Variants in COL26A1 observed in about 807,000 individuals in gnomAD.
COL26A1 encodes collagen alpha-1(XXVI) chain.
COL26A1 carries 41 observed loss-of-function variants against 59.3 expected under a neutral mutation model. The observed-to-expected ratio is 0.69, with a 90% CI of 0.54 to 0.90. The LOEUF is 0.90. COL26A1 is among the 40% of genes least tolerant of loss of function. COL26A1 has a pLI of 0.00. For missense variants in COL26A1, 612 were observed against 602.3 expected, an observed-to-expected ratio of 1.02 and a Z score of -0.17; for synonymous variants, 266 against 256.0, an observed-to-expected ratio of 1.04 and a Z score of -0.37.
intron 12 of COL26A1, 70 bp from the exon 13 acceptor site, chr7:101,557,300 T>A: frequency 4.0e-6 from 6 of 1,499,512 alleles, no homozygotes; most frequent in Non-Finnish European, 5.4e-6. Context: ...TGGCCACATA[T>A]CATGATCAAA....
At chr7:101,539,747 G>T (rs117894148) in intron 4 of COL26A1, 146 bp from the exon 5 acceptor site, 1 of 777,950 alleles carries the variant, frequency 1.3e-6, no homozygotes, top group Non-Finnish European at 1.9e-6. Flanking sequence ...CACGAGTGAG[G>T]TTCTCCCACT....
intron 3 of COL26A1, among the ~76,000 whole-genome samples, chr7:101,503,937 A>T (rs1794754707): frequency 6.6e-6 from 1 of 152,034 alleles, no homozygotes; most frequent in Non-Finnish European, 1.5e-5. Flanking sequence ...ATTTACAGTA[A>T]CTTCCAGGAA....
rs1792479526 is a variant in COL26A1, at chr7:101,420,193, C to T, written c.281+94C>T. ...TGGCTCTGGGAGAGGCTGGGCTGTGCTCACAGACAAAGGCTGAGCATGCAT... is the reference window on the plus strand; with the variant it reads ...TGGCTCTGGGAGAGGCTGGGCTGTGTTCACAGACAAAGGCTGAGCATGCAT... On this transcript the variant is annotated intron_variant, in intron 2 of 12. Transcript: ENST00000313669. 2.4e-5 allele frequency: 36 copies of T among 1,488,988 alleles called. 1 individual carries two copies. The South Asian group carries it at 4.1e-4, about 17-fold the overall frequency. The allele number at this position is 1,488,988 out of a possible 1,614,324, so 92.2% of individuals were successfully genotyped here.
intron 1 of COL26A1, 117 bp from the exon 2 acceptor site, chr7:101,419,860 G>A: frequency 9.5e-7 from 1 of 1,054,826 alleles, no homozygotes; most frequent in South Asian, 1.5e-5. Flanking sequence ...CCATCCAAGA[G>A]AGCGAGCCTC....
At chr7:101,555,019 T>G (rs1795936520) in intron 11 of COL26A1, among the ~76,000 whole-genome samples, 1 of 152,204 alleles carries the variant, frequency 6.6e-6, no homozygotes, top group South Asian at 2.1e-4. Flanking sequence ...AAGACAGATC[T>G]GTCATGTTAC....
At chr7:101,429,187 G>T (rs1286120680) in intron 2 of COL26A1, among the ~76,000 whole-genome samples, 2 of 151,954 alleles carry the variant, frequency 1.3e-5, no homozygotes, top group African/African-American at 4.8e-5. Flanking sequence ...GCCTCCCAAA[G>T]TGCTGGGATT....
intron 2 of COL26A1, among the ~76,000 whole-genome samples, chr7:101,432,089 T>A (rs900518878): frequency 1.3e-5 from 2 of 151,574 alleles, no homozygotes; most frequent in Admixed American, 6.6e-5. Flanking sequence ...GCTTCCCGAG[T>A]AGCGGGGATT....
intron 3 of COL26A1, among the ~76,000 whole-genome samples, chr7:101,472,711 A>G (rs1002153061): frequency 6.6e-6 from 1 of 152,116 alleles, no homozygotes; most frequent in Non-Finnish European, 1.5e-5. Flanking sequence ...CCACCATCAA[A>G]TCGCATTTAC....
rs3073378 is a variant in COL26A1 at position 101,534,654 on chromosome 7, TACACAC to T, written c.447+1529_447+1534del. Among the ~76,000 whole-genome samples the T allele has an allele frequency of 3.1e-3, 462 of 147,550 alleles. 2 individuals are homozygous for T. The highest frequency in any genetic ancestry group is 8.3e-3 in the African/African-American group (321 of 38,704). On this transcript the variant is annotated intron_variant, in intron 4 of 12. Coordinates refer to ENST00000313669, the MANE Select transcript of COL26A1 (RefSeq NM_001278563.3). ...GCATGTCAATGGGCACACATACATA[TACACAC>T]ACACACACACACACACATGACACAA...
intron 3 of COL26A1, among the ~76,000 whole-genome samples, chr7:101,464,076 C>T (rs887095021): frequency 1.3e-5 from 2 of 151,628 alleles, no homozygotes; most frequent in African/African-American, 4.8e-5. Flanking sequence ...AGCAATCCTC[C>T]TACCGTAGTC....
At chr7:101,550,150 AT>A (rs1795829907) in intron 9 of COL26A1, among the ~76,000 whole-genome samples, 1 of 152,082 alleles carries the variant, frequency 6.6e-6, no homozygotes, top group Non-Finnish European at 1.5e-5. Flanking sequence ...CCATGATCTT[AT>A]TTACATCTTT....
At chr7:101,458,651 C>CA (rs34462051) in intron 3 of COL26A1, among the ~76,000 whole-genome samples, 24,906 of 147,952 alleles carry the variant, frequency 0.17, 2,317 homozygotes, top group African/African-American at 0.23. Flanking sequence ...ACTCTGTCTC[C>CA]AAAAAAAAAA....
intron 2 of COL26A1, among the ~76,000 whole-genome samples, chr7:101,425,455 G>A (rs1173033033): frequency 6.6e-6 from 1 of 152,118 alleles, no homozygotes; most frequent in East Asian, 1.9e-4. Flanking sequence ...TTACTGAATT[G>A]AGGTTAGGTT....
rs1293761296 is a variant in COL26A1 at position 101,557,990 on chromosome 7, A to T, written c.*460A>T. The T allele has an allele frequency of 6.5e-6, 1 of 153,084 alleles. No homozygotes were observed. Among genetic ancestry groups the T allele is most frequent in the East Asian group, 1.9e-4 (1 of 5,210 alleles). 9.5% of individuals were successfully genotyped at this position (153,084 alleles called of 1,614,324 possible). On this transcript the variant is annotated 3_prime_UTR_variant, in exon 13 of 13. Coordinates refer to ENST00000313669, the MANE Select transcript of COL26A1 (RefSeq NM_001278563.3). Reference sequence around the variant, plus strand: ...CCACCAGATCACGGGTGGCAGGGGCAGGATTTGAACCCAGGACCCTCAGTT... The same window carrying T: ...CCACCAGATCACGGGTGGCAGGGGCTGGATTTGAACCCAGGACCCTCAGTT...
intron 3 of COL26A1, 57 bp downstream of exon 3, chr7:101,447,844 C>T: frequency 9.3e-7 from 1 of 1,079,126 alleles, no homozygotes; most frequent in South Asian, 1.3e-5. Flanking sequence ...GCTGGAGTTT[C>T]TCCCTTCTCT....
chr7:101,365,095 T>C (rs1791008584), intron 1 of COL26A1, among the ~76,000 whole-genome samples: 1 of 152,188 alleles, frequency 6.6e-6, no homozygotes. Flanking sequence ...TGGAAAAGTT[T>C]GTATGCAATC....
intron 3 of COL26A1, among the ~76,000 whole-genome samples, chr7:101,486,611 T>G (rs1404525052): frequency 6.6e-6 from 1 of 152,238 alleles, no homozygotes; most frequent in Non-Finnish European, 1.5e-5. Context: ...TGTTTTAAAT[T>G]AGCATACAAA....
intron 1 of COL26A1, among the ~76,000 whole-genome samples, chr7:101,363,947 T>C (rs1257963084): frequency 6.6e-6 from 1 of 152,048 alleles, no homozygotes; most frequent in African/African-American, 2.4e-5. Context: ...CCGCCCAGTC[T>C]TTGGGGCTGA....
chr7:101,493,549 C>T (rs6947089), intron 3 of COL26A1, among the ~76,000 whole-genome samples: 17,915 of 151,898 alleles, frequency 0.12, 2,410 homozygotes, highest in African/African-American at 0.33. Context: ...TTACTCAGAA[C>T]GGTATTTTTA....
Sources: allele counts gnomAD v4.1 joint callset (sites outside exome capture counted in the v4.1 genomes callset), GRCh38; gene constraint gnomAD v4.1.1; transcripts MANE v1.5; gene names NCBI Gene and HGNC (gene_info 2026-07-23, HGNC 2026-07-21).